Variants in ZZZ3 observed in about 807,000 individuals in gnomAD.
ZZZ3 encodes the protein zinc finger ZZ-type containing 3.
Under a neutral mutation model 95.2 loss-of-function variants are expected in ZZZ3, and 22 were observed. That is an observed-to-expected ratio of 0.23 (90% CI 0.17 to 0.33). The LOEUF (loss-of-function observed/expected upper bound fraction) is 0.33. ZZZ3 is among the 10% of genes least tolerant of loss of function. ZZZ3 has a pLI of 1.00. For missense variants in ZZZ3, 885 were observed against 1,066.5 expected, an observed-to-expected ratio of 0.83 and a Z score of 2.37; for synonymous variants, 335 against 358.9, an observed-to-expected ratio of 0.93 and a Z score of 0.75.
intron 1 of ZZZ3, among the ~76,000 whole-genome samples, chr1:77,664,968 T>G (rs1364902627): frequency 2.0e-5 from 3 of 152,194 alleles, no homozygotes; most frequent in African/African-American, 7.2e-5. Context: ...TTTCTAGTCT[T>G]CTGGCATACT....
intron 5 of ZZZ3, among the ~76,000 whole-genome samples, chr1:77,590,874 T>C (rs1414786611): frequency 6.6e-6 from 1 of 152,188 alleles, no homozygotes; most frequent in Non-Finnish European, 1.5e-5. Flanking sequence ...AAAAGTACAT[T>C]GTACCAGATG....
intron 5 of ZZZ3, among the ~76,000 whole-genome samples, chr1:77,594,819 CCAA>C (rs1184675699): frequency 6.6e-6 from 1 of 150,430 alleles, no homozygotes; most frequent in African/African-American, 2.4e-5. Flanking sequence ...GAAAACTAGA[CCAA>C]CAACAAGATA....
intron 1 of ZZZ3, among the ~76,000 whole-genome samples, chr1:77,675,828 A>T (rs1364386897): frequency 1.3e-5 from 2 of 152,216 alleles, no homozygotes; most frequent in Non-Finnish European, 2.9e-5. Context: ...AAAAAAAGGC[A>T]TCATAGTAAA....
At chr1:77,654,326 C>T (rs986976782) in intron 1 of ZZZ3, among the ~76,000 whole-genome samples, 2 of 151,926 alleles carry the variant, frequency 1.3e-5, no homozygotes, top group Admixed American at 6.6e-5. Context: ...CTAATTCTAC[C>T]CAAACTCTTC....
At chr1:77,621,334 T>C (rs1326830526) in intron 5 of ZZZ3, among the ~76,000 whole-genome samples, 2 of 147,670 alleles carry the variant, frequency 1.4e-5, no homozygotes, top group Non-Finnish European at 3.0e-5. Context: ...TTAAATAAAA[T>C]TAGAAGGCTG....
intron 12 of ZZZ3, among the ~76,000 whole-genome samples, chr1:77,572,559 C>T (rs910331904): frequency 6.6e-6 from 1 of 151,892 alleles, no homozygotes; most frequent in Non-Finnish European, 1.5e-5. Flanking sequence ...AGGCTGGTCT[C>T]CAACACCTGA....
intron 1 of ZZZ3, among the ~76,000 whole-genome samples, chr1:77,670,070 T>TG (rs1249883661): frequency 1.8e-5 from 2 of 109,650 alleles, no homozygotes; most frequent in Non-Finnish European, 1.8e-5. Context: ...ATAAATATTG[T>TG]GACCCCCCCC....
chr1:77,628,079 G>C (rs2100824761), intron 5 of ZZZ3, among the ~76,000 whole-genome samples: 1 of 152,304 alleles, frequency 6.6e-6, no homozygotes, highest in African/African-American at 2.4e-5. Context: ...CCTAGAGCCA[G>C]ACCTTCAAAA....
chr1:77,672,542 A>G (rs1234722785), intron 1 of ZZZ3, among the ~76,000 whole-genome samples: 1 of 152,132 alleles, frequency 6.6e-6, no homozygotes, highest in Admixed American at 6.5e-5. Flanking sequence ...AGTGCTACTC[A>G]AAGTGTGGTC....
At chr1:77,589,383 C>G (rs1184625914) in intron 5 of ZZZ3, among the ~76,000 whole-genome samples, 1 of 151,838 alleles carries the variant, frequency 6.6e-6, no homozygotes, top group Non-Finnish European at 1.5e-5. Context: ...CTGAAGAGAA[C>G]ATCAAGGAAT....
chr1:77,627,675 C>A (rs1203667835), intron 5 of ZZZ3, among the ~76,000 whole-genome samples: 1 of 152,160 alleles, frequency 6.6e-6, no homozygotes, highest in Non-Finnish European at 1.5e-5. Flanking sequence ...AAATAATATT[C>A]TCACCTGCAG....
At chr1:77,659,401 C>T (rs1443401069) in intron 1 of ZZZ3, among the ~76,000 whole-genome samples, 1 of 151,678 alleles carries the variant, frequency 6.6e-6, no homozygotes, top group Non-Finnish European at 1.5e-5. Flanking sequence ...TGGTAGCTCA[C>T]TCCTGTAATC....
At position 77,643,192 on chromosome 1, in the gene ZZZ3, G is replaced by A. The variant is rs528279781; in HGVS notation, c.-402-1537C>T. Among the ~76,000 whole-genome samples, 14 of 151,438 alleles carry A rather than the reference G, an allele frequency of 9.2e-5. No homozygotes were observed. The South Asian group carries it at 1.9e-3, about 20-fold the overall frequency. ...CAAAGAAAAAAAAAAAGAAAAAACC[G>A]ATCTAAGTATTTTTTAAGTTTAAAA... On this transcript the variant is annotated intron_variant, in intron 1 of 14. Transcript: ENST00000370801.
At chr1:77,598,131 A>G (rs1487812270) in intron 5 of ZZZ3, among the ~76,000 whole-genome samples, 1 of 152,038 alleles carries the variant, frequency 6.6e-6, no homozygotes, top group Non-Finnish European at 1.5e-5. Context: ...TTGACTCCCG[A>G]AAACTTAACT....
chr1:77,576,757 TAAAAA>T (rs1369122622), intron 11 of ZZZ3, among the ~76,000 whole-genome samples: 1 of 137,950 alleles, frequency 7.2e-6, no homozygotes, highest in Non-Finnish European at 1.6e-5. Flanking sequence ...ACACTCACAC[TAAAAA>T]AAAAAACAAA....
intron 5 of ZZZ3, among the ~76,000 whole-genome samples, 181 bp downstream of exon 5, chr1:77,631,669 G>A (rs1475810441): frequency 7.9e-5 from 12 of 152,078 alleles, no homozygotes; most frequent in Admixed American, 7.2e-4. Flanking sequence ...TAGAACACAC[G>A]TGTAAAGTTG....
Position 77,633,204 on chromosome 1 carries a change from T to C in ZZZ3, c.151A>G (p.Lys51Glu). 6.2e-7 allele frequency: 1 copy of C among 1,614,162 alleles called. No homozygotes were observed. Among genetic ancestry groups the C allele is most frequent in the Non-Finnish European group, 8.5e-7 (1 of 1,179,996 alleles). ...SNSQVRSRSPKKRPEPVPIQK... is the reference protein window; with the variant it reads ...SNSQVRSRSPEKRPEPVPIQK... ...ATTGGCACAGGCTCTGGTCTCTTCTTTGGTGATCTTGATCGTACTTGAGAA... is the reference window on the plus strand; with the variant it reads ...ATTGGCACAGGCTCTGGTCTCTTCTCTGGTGATCTTGATCGTACTTGAGAA... Residue 51 changes from lysine (K) to glutamate (E), a missense_variant, in exon 5 of 15, where the codon AAG becomes GAG. Transcript: ENST00000370801.
At chr1:77,580,885 C>A in intron 9 of ZZZ3, 113 bp downstream of exon 9, 1 of 879,636 alleles carries the variant, frequency 1.1e-6, no homozygotes, top group Non-Finnish European at 1.9e-6. Flanking sequence ...ATCAGCCTCC[C>A]AAAGTGCTGG....
chr1:77,665,853 C>T (rs1671198704), intron 1 of ZZZ3, among the ~76,000 whole-genome samples: 1 of 150,880 alleles, frequency 6.6e-6, no homozygotes, highest in Non-Finnish European at 1.5e-5. Flanking sequence ...ACCAGCCTGG[C>T]CAACATGGCA....
Sources: gnomAD v4.1 joint callset for allele counts (sites outside exome capture counted in the v4.1 genomes callset) on GRCh38, gnomAD v4.1.1 for gene constraint, MANE v1.5 for transcripts, NCBI Gene and HGNC (gene_info 2026-07-23, HGNC 2026-07-21) for gene names.